Variants in EHMT1 observed in about 807,000 individuals in gnomAD.
The protein encoded by EHMT1 is euchromatic histone lysine methyltransferase 1.
A neutral mutation model predicts 147.2 loss-of-function variants in EHMT1; 15 were observed. That is an observed-to-expected ratio of 0.10 (90% CI 0.07 to 0.16). The LOEUF (loss-of-function observed/expected upper bound fraction) is 0.16, where lower values mean the gene tolerates loss of function less well. Ranked by LOEUF, EHMT1 falls within the 10% of genes least tolerant of loss-of-function variation. The probability of loss-of-function intolerance (pLI) is 1.00; values close to 1 mark genes in which losing one functional copy is unlikely to be tolerated. For synonymous variants in EHMT1, 795 were observed against 709.6 expected, an observed-to-expected ratio of 1.12 and a Z score of -1.91; for missense variants, 1,587 against 1,772.4, an observed-to-expected ratio of 0.90 and a Z score of 1.88.
At chr9:137,741,956 A>T (rs1008581509) in intron 4 of EHMT1, among the ~76,000 whole-genome samples, 3 of 152,184 alleles carry the variant, frequency 2.0e-5, no homozygotes, top group African/African-American at 7.2e-5. Flanking sequence ...GATGATTATG[A>T]TAGTGAGTTT....
chr9:137,804,942 G>C (rs1161589722), intron 18 of EHMT1, among the ~76,000 whole-genome samples: 1 of 152,076 alleles, frequency 6.6e-6, no homozygotes, highest in Non-Finnish European at 1.5e-5. Context: ...ATGTCTGTCA[G>C]TCATCCATGT....
At chr9:137,710,180 TCCAAGTGCCAC>T (rs1177353709) in intron 1 of EHMT1, among the ~76,000 whole-genome samples, 3 of 150,658 alleles carry the variant, frequency 2.0e-5, no homozygotes, top group East Asian at 3.9e-4. Flanking sequence ...AAAAATTCTG[TCCAAGTGCCAC>T]CCAAGTGCAG....
intron 1 of EHMT1, among the ~76,000 whole-genome samples, chr9:137,638,893 C>T (rs532516621): frequency 7.9e-5 from 12 of 152,240 alleles, no homozygotes; most frequent in Non-Finnish European, 1.6e-4. Context: ...CTGGCCGAGG[C>T]AGGGGATGGC....
chr9:137,731,576 G>A lies in EHMT1; in HGVS notation c.823+3047G>A, dbSNP rs1015168561. Among the ~76,000 whole-genome samples, 1 of 152,166 alleles carries A rather than the reference G, an allele frequency of 6.6e-6. No homozygotes were observed. The highest frequency in any genetic ancestry group is 1.5e-5 in the Non-Finnish European group (1 of 68,034). The stretch of plus-strand genomic sequence containing the variant: ...TTACAACAGTGTCCATACAGAGCAG[G>A]AATCGGGGTACGTCCTATCCTGTTG... On this transcript the variant is annotated intron_variant, in intron 4 of 26. Coordinates refer to ENST00000460843, the MANE Select transcript of EHMT1 (RefSeq NM_024757.5). The surrounding 1 kb of genome is among the most constrained non-coding windows in gnomAD (Gnocchi z 4.3).
intron 25 of EHMT1, among the ~76,000 whole-genome samples, chr9:137,833,609 AC>A (rs1266216428): frequency 2.0e-5 from 3 of 152,134 alleles, no homozygotes; most frequent in Non-Finnish European, 4.4e-5. Context: ...AGGCCCACCC[AC>A]CTCGTCCCCC....
intron 1 of EHMT1, among the ~76,000 whole-genome samples, chr9:137,693,984 C>T (rs1158912820): frequency 2.1e-5 from 2 of 97,524 alleles, no homozygotes; most frequent in East Asian, 3.3e-4. Flanking sequence ...CCGATACCCC[C>T]CACACAGTGG....
chr9:137,756,435 A>G (rs562717075), intron 8 of EHMT1, among the ~76,000 whole-genome samples: 68 of 152,304 alleles, frequency 4.5e-4, no homozygotes, highest in South Asian at 1.7e-3. Context: ...AGATTCCCCA[A>G]TGTAGAGTAC....
chr9:137,737,144 C>G (rs1052464241), intron 4 of EHMT1, among the ~76,000 whole-genome samples: 1 of 151,390 alleles, frequency 6.6e-6, no homozygotes, highest in African/African-American at 2.4e-5. Context: ...CCCAGAAGGT[C>G]GAGGCTGCAG....
intron 18 of EHMT1, 137 bp from the exon 19 acceptor site, chr9:137,811,324 C>T (rs750943015): frequency 5.0e-6 from 6 of 1,204,930 alleles, no homozygotes; most frequent in Non-Finnish European, 7.2e-6. Flanking sequence ...GCACCCTTTC[C>T]ACCTGGCCCT....
chr9:137,717,324 C>G, intron 3 of EHMT1, 142 bp downstream of exon 3: 2 of 1,111,140 alleles, frequency 1.8e-6, no homozygotes, highest in Non-Finnish European at 2.6e-6. Flanking sequence ...AGGAGAAGGC[C>G]GGGAGCAGTG....
chr9:137,635,049 A>G (rs1162017035), intron 1 of EHMT1, among the ~76,000 whole-genome samples: 3 of 150,884 alleles, frequency 2.0e-5, no homozygotes, highest in African/African-American at 4.9e-5. Flanking sequence ...GAGTTTTAGG[A>G]TCTTGTTGTC....
chr9:137,715,685 G>A, intron 2 of EHMT1: 10 of 985,420 alleles, frequency 1.0e-5, no homozygotes, highest in Non-Finnish European at 1.2e-5. Flanking sequence ...TGACTGCCCT[G>A]GATATGATTT....
At chr9:137,754,385 T>A in intron 8 of EHMT1, 94 bp downstream of exon 8, 1 of 1,545,240 alleles carries the variant, frequency 6.5e-7, no homozygotes, top group Non-Finnish European at 8.8e-7. Flanking sequence ...TAGGATTTCA[T>A]TAGAAAAGAG....
intron 1 of EHMT1, among the ~76,000 whole-genome samples, chr9:137,660,897 T>TA (rs1939006472): frequency 6.6e-6 from 1 of 152,216 alleles, no homozygotes; most frequent in South Asian, 2.1e-4. Flanking sequence ...ACTGAGTATT[T>TA]AACCTTTCCT....
At chr9:137,744,441 C>A (rs553448681) in intron 6 of EHMT1, among the ~76,000 whole-genome samples, 1 of 152,126 alleles carries the variant, frequency 6.6e-6, no homozygotes, top group African/African-American at 2.4e-5. Flanking sequence ...ATCCCAGCCC[C>A]CCGAGCAGCT....
At chr9:137,745,720 A>G (rs1948490714) in intron 6 of EHMT1, 1 of 395,304 alleles carries the variant, frequency 2.5e-6, no homozygotes, top group Non-Finnish European at 4.5e-6. Context: ...GTCAAGTTAC[A>G]AGGGGTATTC....
intron 25 of EHMT1, among the ~76,000 whole-genome samples, chr9:137,821,034 C>T (rs1346557363): frequency 3.9e-5 from 6 of 152,178 alleles, no homozygotes; most frequent in Non-Finnish European, 7.3e-5. Flanking sequence ...CCCAGCACCA[C>T]GCCCGGCTAA....
intron 25 of EHMT1, among the ~76,000 whole-genome samples, chr9:137,824,953 T>G (rs982967111): frequency 2.0e-5 from 3 of 152,172 alleles, no homozygotes; most frequent in Non-Finnish European, 4.4e-5. Context: ...GCAGCTTTGT[T>G]TTCTGGAAGG....
intron 1 of EHMT1, among the ~76,000 whole-genome samples, chr9:137,636,332 C>G (rs528741131): frequency 1.3e-5 from 2 of 152,170 alleles, no homozygotes; most frequent in Admixed American, 1.3e-4. Context: ...TTGGGATTTT[C>G]TATATATAGG....
Sources: gnomAD v4.1 joint callset for allele counts (sites outside exome capture counted in the v4.1 genomes callset) on GRCh38, gnomAD v4.1.1 for gene constraint, Gnocchi (gnomAD v3.1) non-coding constraint, MANE v1.5 for transcripts, NCBI Gene and HGNC (gene_info 2026-07-23, HGNC 2026-07-21) for gene names.